The following IREB2 variants were observed in gnomAD, a reference collection of about 807,000 sequenced individuals.
IREB2 encodes iron-responsive element-binding protein 2.
Under a neutral mutation model 118.8 loss-of-function variants are expected in IREB2, and 39 were observed. The ratio of observed to expected loss-of-function variants is 0.33; its 90% confidence interval spans 0.25 to 0.43. The LOEUF is 0.43. Among genes scored for constraint, IREB2 ranks in the 20% least tolerant of loss-of-function variants. The probability of loss-of-function intolerance (pLI) is 1.00; values close to 1 mark genes in which losing one functional copy is unlikely to be tolerated. For missense variants in IREB2, 900 were observed against 1,147.3 expected, an observed-to-expected ratio of 0.78 and a Z score of 3.11; for synonymous variants, 372 against 392.2, an observed-to-expected ratio of 0.95 and a Z score of 0.61.
rs776198251 is a variant in IREB2, at chr15:78,465,214, A to C, written c.273-37A>C. On this transcript the variant is annotated intron_variant, in intron 3 of 21. Coordinates refer to ENST00000258886, the MANE Select transcript of IREB2 (RefSeq NM_004136.4). ...CATTTATTAAGCATGTATAAAAAAC[A>C]ATTTGGACTATAATTTGACCATTCT... 3.2e-6 allele frequency: 5 copies of C among 1,559,666 alleles called. No individual in the cohort carries two copies. In the African/African-American group the frequency reaches 4.1e-5, roughly 13 times the overall value.
In IREB2 at chr15:78,439,877, G is replaced by A. The variant is rs1277754538; in HGVS notation, c.102G>A (p.Lys34=). The part of the protein sequence containing the change: ...KFFDVSKLGT[K]YDVLPYSIRV... ...TCGATGTATCTAAACTTGGCACCAA[G>A]TATGGTAATGTTGCTTTACATTTTC... The change falls in exon 2 of 22, where the codon AAG becomes AAA. Residue 34 remains lysine, a synonymous_variant. Coordinates refer to ENST00000258886, the MANE Select transcript of IREB2 (RefSeq NM_004136.4). 6.4e-7 allele frequency: 1 copy of A among 1,566,586 alleles called. No individual in the cohort carries two copies. Among genetic ancestry groups the A allele is most frequent in the Non-Finnish European group, 8.8e-7 (1 of 1,141,844 alleles).
chr15:78,484,973 T>C (rs2051636252), intron 12 of IREB2, 53 bp downstream of exon 12: 3 of 1,504,470 alleles, frequency 2.0e-6, no homozygotes, highest in Non-Finnish European at 2.7e-6. Flanking sequence ...TATTGTTGGC[T>C]TTTCTGTTAT....
chr15:78,456,007 G>C (rs2051099269), intron 2 of IREB2, among the ~76,000 whole-genome samples: 2 of 152,124 alleles, frequency 1.3e-5, no homozygotes, highest in South Asian at 4.1e-4. Context: ...TCTCATAATA[G>C]GCTGCTGGCT....
intron 9 of IREB2, among the ~76,000 whole-genome samples, chr15:78,477,442 G>C (rs2051490351): frequency 6.6e-6 from 1 of 152,222 alleles, no homozygotes; most frequent in African/African-American, 2.4e-5. Flanking sequence ...TGAGCTGTCA[G>C]CTGAGGACTT....
chr15:78,452,915 T>C (rs927684980), intron 2 of IREB2, among the ~76,000 whole-genome samples: 1 of 152,142 alleles, frequency 6.6e-6, no homozygotes, highest in Non-Finnish European at 1.5e-5. Flanking sequence ...ATTAACAGTA[T>C]TTATGTTGGT....
intron 3 of IREB2, among the ~76,000 whole-genome samples, chr15:78,463,460 A>T (rs1013975887): frequency 2.6e-5 from 4 of 152,060 alleles, no homozygotes; most frequent in Non-Finnish European, 5.9e-5. Flanking sequence ...AAAATAAAAT[A>T]AAAAATCAGA....
chr15:78,465,959 T>G (rs1378001765), intron 4 of IREB2, among the ~76,000 whole-genome samples: 1 of 152,236 alleles, frequency 6.6e-6, no homozygotes, highest in Non-Finnish European at 1.5e-5. Context: ...TCTAAATTTC[T>G]TTTAAGTTGT....
intron 2 of IREB2, among the ~76,000 whole-genome samples, chr15:78,448,647 G>A (rs2141453866): frequency 6.6e-6 from 1 of 152,320 alleles, no homozygotes; most frequent in East Asian, 1.9e-4. Context: ...AGGCCTGATG[G>A]GATTACAGGG....
At chr15:78,464,012 G>A (rs549794506) in intron 3 of IREB2, among the ~76,000 whole-genome samples, 3 of 152,262 alleles carry the variant, frequency 2.0e-5, no homozygotes, top group African/African-American at 7.2e-5. Context: ...CTATCAGCAA[G>A]CTCTGTCAGT....
intron 10 of IREB2, among the ~76,000 whole-genome samples, chr15:78,479,725 T>TA (rs750210354): frequency 9.9e-5 from 15 of 152,176 alleles, no homozygotes; most frequent in Non-Finnish European, 1.6e-4. Context: ...TATGCAGTCT[T>TA]ACTTGTTAGT....
In IREB2 at chr15:78,499,791, A is replaced by G. The variant is rs1228285764; in HGVS notation, c.*1648A>G. 1 of 152,226 alleles carries G rather than the reference A, an allele frequency of 6.6e-6. No homozygotes were observed. Among genetic ancestry groups the G allele is most frequent in the African/African-American group, 2.4e-5 (1 of 41,456 alleles). The allele number at this position is 152,226 out of a possible 1,614,324, so 9.4% of individuals were successfully genotyped here. A position where few individuals can be genotyped will look rare whatever the true frequency, so the allele number is the denominator to read the frequency against. ...GAGAAATTACAGGTTGAAAGATGAAATGCCTGTATGTGCTCTGAAGAAATG... is the reference window on the plus strand; with the variant it reads ...GAGAAATTACAGGTTGAAAGATGAAGTGCCTGTATGTGCTCTGAAGAAATG... On this transcript the variant is annotated 3_prime_UTR_variant, in exon 22 of 22. Transcript: ENST00000258886.
chr15:78,468,251 C>CT lies in IREB2; in HGVS notation c.629+1771dup, dbSNP rs202103428. Among the ~76,000 whole-genome samples the CT allele has an allele frequency of 3.2e-4, 48 of 151,534 alleles. 1 individual carries two copies. Among genetic ancestry groups the CT allele is most frequent in the Admixed American group, 1.9e-3 (29 of 15,210 alleles). The stretch of plus-strand genomic sequence containing the variant: ...ATTTATCCCATTGTTAGTAAACTGT[C>CT]TTTTTTTTTGAGATGGAGGGTCTCT... On this transcript the variant is annotated intron_variant, in intron 5 of 21. Coordinates refer to ENST00000258886, the MANE Select transcript of IREB2 (RefSeq NM_004136.4).
chr15:78,444,238 T>A (rs1240984116), intron 2 of IREB2, among the ~76,000 whole-genome samples: 2 of 152,134 alleles, frequency 1.3e-5, no homozygotes, highest in African/African-American at 4.8e-5. Flanking sequence ...AAACTATTGC[T>A]ATTTTTAAGG....
intron 2 of IREB2, among the ~76,000 whole-genome samples, chr15:78,457,857 A>T (rs1164506515): frequency 6.6e-6 from 1 of 152,156 alleles, no homozygotes; most frequent in Non-Finnish European, 1.5e-5. Flanking sequence ...AATTTCTGTG[A>T]TAATATTTTC....
intron 2 of IREB2, among the ~76,000 whole-genome samples, chr15:78,442,006 A>G (rs527498217): frequency 6.6e-6 from 1 of 152,070 alleles, no homozygotes; most frequent in East Asian, 1.9e-4. Context: ...TCCTGAGTTC[A>G]AGCGATTCTC....
chr15:78,494,407 A>G (rs1484499251), intron 20 of IREB2, 143 bp downstream of exon 20: 1 of 807,406 alleles, frequency 1.2e-6, no homozygotes, highest in Admixed American at 2.7e-5. Flanking sequence ...TTGTTTGTTT[A>G]TTTCAGTGAT....
intron 9 of IREB2, among the ~76,000 whole-genome samples, chr15:78,477,188 GTTCC>G (rs1291111057): frequency 6.6e-6 from 1 of 152,152 alleles, no homozygotes; most frequent in South Asian, 2.1e-4. Context: ...GAAGTGCCTC[GTTCC>G]TTGCATATTA....
intron 2 of IREB2, among the ~76,000 whole-genome samples, chr15:78,456,615 A>G (rs567802526): frequency 2.0e-5 from 3 of 151,994 alleles, no homozygotes; most frequent in East Asian, 3.9e-4. Context: ...GTAGTGAGCC[A>G]TGATCGTGCC....
intron 18 of IREB2, among the ~76,000 whole-genome samples, chr15:78,492,121 A>G (rs1195932131): frequency 6.6e-6 from 1 of 152,254 alleles, no homozygotes; most frequent in Non-Finnish European, 1.5e-5. Flanking sequence ...CAAATTTAGA[A>G]TATTGTTGCC....
Sources: gnomAD v4.1 joint callset for allele counts (sites outside exome capture counted in the v4.1 genomes callset) on GRCh38, gnomAD v4.1.1 for gene constraint, MANE v1.5 for transcripts, NCBI Gene and HGNC (gene_info 2026-07-23, HGNC 2026-07-21) for gene names.